The following ASTN2 variants were observed in gnomAD, a reference collection of about 807,000 sequenced individuals.
The protein encoded by ASTN2 is astrotactin 2, also known as astrotactin-2.
In ASTN2, 54 loss-of-function variants were observed where a neutral mutation model predicts 139.8. That is an observed-to-expected ratio of 0.39 (90% CI 0.31 to 0.48). The LOEUF (loss-of-function observed/expected upper bound fraction) is 0.48, where lower values mean the gene tolerates loss of function less well. Ranked by LOEUF, ASTN2 falls within the 20% of genes least tolerant of loss-of-function variation. The pLI, the probability that ASTN2 is intolerant of heterozygous loss-of-function variation, is 0.95. For missense variants in ASTN2, 1,565 were observed against 1,725.1 expected (o/e 0.91, Z 1.64); for synonymous variants, 756 against 719.5 (o/e 1.05, Z -0.81).
chr9:117,253,429 A>G (rs562502214), intron 2 of ASTN2, among the ~76,000 whole-genome samples: 1 of 152,288 alleles, frequency 6.6e-6, no homozygotes, highest in South Asian at 2.1e-4. Context: ...GCCACCACCA[A>G]GGCTGTCTTC....
At chr9:116,806,105 A>T (rs1455777653) in intron 12 of ASTN2, among the ~76,000 whole-genome samples, 1 of 152,246 alleles carries the variant, frequency 6.6e-6, no homozygotes, top group African/African-American at 2.4e-5. Context: ...TTTCCCATGA[A>T]CATACAGACT....
intron 4 of ASTN2, among the ~76,000 whole-genome samples, chr9:117,119,306 G>T (rs1290584527): frequency 1.3e-5 from 2 of 152,192 alleles, no homozygotes; most frequent in Admixed American, 1.3e-4. Context: ...TGAAAGAAAT[G>T]AATTTTATTT....
At chr9:117,366,929 T>C (rs1829860692) in intron 1 of ASTN2, among the ~76,000 whole-genome samples, 1 of 151,972 alleles carries the variant, frequency 6.6e-6, no homozygotes, top group African/African-American at 2.4e-5. Flanking sequence ...TGCACACCAC[T>C]ACACTCAGCT....
At chr9:116,863,217 A>C (rs148013054) in intron 11 of ASTN2, among the ~76,000 whole-genome samples, 2 of 152,190 alleles carry the variant, frequency 1.3e-5, no homozygotes. Context: ...GCACCTGTCC[A>C]TACTAGTTAC....
intron 13 of ASTN2, among the ~76,000 whole-genome samples, chr9:116,782,109 G>A (rs1564264201): frequency 6.6e-6 from 1 of 152,152 alleles, no homozygotes; most frequent in Non-Finnish European, 1.5e-5. Context: ...GTTTGGGGAA[G>A]GGAGAGAAAG....
intron 3 of ASTN2, among the ~76,000 whole-genome samples, chr9:117,192,636 G>C (rs927512401): frequency 6.6e-6 from 1 of 152,178 alleles, no homozygotes; most frequent in Non-Finnish European, 1.5e-5. Context: ...TACTTCCAAA[G>C]AGTAGTTCAT....
intron 12 of ASTN2, among the ~76,000 whole-genome samples, chr9:116,809,885 A>G (rs1831119873): frequency 1.3e-5 from 2 of 152,174 alleles, no homozygotes. Context: ...GGGGCCATGT[A>G]ACTGGATTCT....
chr9:116,666,837 T>A (rs189008420), intron 16 of ASTN2, among the ~76,000 whole-genome samples: 3 of 151,830 alleles, frequency 2.0e-5, no homozygotes, highest in Admixed American at 1.3e-4. Context: ...TGAGCCAACA[T>A]CTTCAACAAA....
At chr9:117,383,336 T>C (rs1830318102) in intron 1 of ASTN2, among the ~76,000 whole-genome samples, 1 of 152,178 alleles carries the variant, frequency 6.6e-6, no homozygotes, top group Non-Finnish European at 1.5e-5. Context: ...GTTAGAGATA[T>C]CAGACCAGTG....
intron 10 of ASTN2, among the ~76,000 whole-genome samples, chr9:116,871,385 C>T (rs1162825848): frequency 6.6e-6 from 1 of 152,184 alleles, no homozygotes; most frequent in East Asian, 1.9e-4. Flanking sequence ...ACAGTTTAAG[C>T]AGGGTACAGT....
At chr9:117,024,631 T>C (rs1564390092) in intron 6 of ASTN2, among the ~76,000 whole-genome samples, 2 of 152,198 alleles carry the variant, frequency 1.3e-5, no homozygotes, top group East Asian at 3.9e-4. Context: ...CAGGAAGCTT[T>C]GGGCACACAG....
chr9:116,517,461 A>G (rs1850699583), intron 19 of ASTN2, among the ~76,000 whole-genome samples: 1 of 152,216 alleles, frequency 6.6e-6, no homozygotes, highest in African/African-American at 2.4e-5. Context: ...GGGGGAGAAC[A>G]CCACATTAAG....
intron 10 of ASTN2, among the ~76,000 whole-genome samples, chr9:116,898,331 C>A (rs1029075964): frequency 6.0e-5 from 9 of 150,684 alleles, no homozygotes; most frequent in African/African-American, 2.2e-4. Context: ...ATCACTTTAG[C>A]CTTGGAGGTC....
chr9:117,338,356 C>T (rs541616841), intron 1 of ASTN2, among the ~76,000 whole-genome samples: 1 of 152,134 alleles, frequency 6.6e-6, no homozygotes, highest in Non-Finnish European at 1.5e-5. Context: ...CCTAGACCTG[C>T]ATCTAAAACC....
At chr9:117,176,130 T>C (rs1830910391) in intron 3 of ASTN2, among the ~76,000 whole-genome samples, 1 of 152,126 alleles carries the variant, frequency 6.6e-6, no homozygotes, top group South Asian at 2.1e-4. Flanking sequence ...ATTATTATCT[T>C]TGACATGCAA....
At chr9:117,076,886 T>C (rs1828295058) in intron 5 of ASTN2, among the ~76,000 whole-genome samples, 1 of 152,178 alleles carries the variant, frequency 6.6e-6, no homozygotes, top group African/African-American at 2.4e-5. Context: ...TCTTCTTTTT[T>C]CCCCTTTGAT....
intron 7 of ASTN2, among the ~76,000 whole-genome samples, chr9:117,007,282 A>G (rs188577648): frequency 3.9e-5 from 6 of 152,228 alleles, no homozygotes; most frequent in African/African-American, 7.2e-5. Flanking sequence ...ACCGGCATCT[A>G]TCATCACCTA....
chr9:117,141,825 T>C (rs911560301), intron 3 of ASTN2, among the ~76,000 whole-genome samples: 24 of 152,194 alleles, frequency 1.6e-4, no homozygotes, highest in African/African-American at 5.8e-4. Flanking sequence ...CAGACAATTC[T>C]AACATTGTGC....
chr9:117,379,278 G>A (rs998497104), intron 1 of ASTN2, among the ~76,000 whole-genome samples: 9 of 152,122 alleles, frequency 5.9e-5, no homozygotes, highest in Non-Finnish European at 1.2e-4. Context: ...CGTAGGCAGC[G>A]AAAAAGGCTT....
Sources: allele counts gnomAD v4.1 joint callset (sites outside exome capture counted in the v4.1 genomes callset), GRCh38; gene constraint gnomAD v4.1.1; transcripts MANE v1.5; gene names NCBI Gene and HGNC (gene_info 2026-07-23, HGNC 2026-07-21).